The following UNC13C variants were observed in gnomAD, a reference collection of about 807,000 sequenced individuals.
UNC13C encodes protein unc-13 homolog C.
UNC13C carries 174 observed loss-of-function variants against 245.4 expected under a neutral mutation model. The ratio of observed to expected loss-of-function variants is 0.71; its 90% CI spans 0.63 to 0.80. The LOEUF (loss-of-function observed/expected upper bound fraction) is 0.80, where lower values mean the gene tolerates loss of function less well. Among genes scored for constraint, UNC13C ranks in the 30% least tolerant of loss-of-function variants. UNC13C has a pLI of 0.00. For missense variants in UNC13C, 2,829 were observed against 2,602.9 expected (o/e 1.09, Z -1.89); for synonymous variants, 992 against 895.1 (o/e 1.11, Z -1.93).
chr15:54,231,711 A>G (rs719211), intron 4 of UNC13C, among the ~76,000 whole-genome samples: 67,529 of 151,788 alleles, frequency 0.44, 15,433 homozygotes, highest in African/African-American at 0.5. Context: ...AGTCAATGAC[A>G]TCTTAAAACA....
chr15:53,942,819 T>G, the UNC13C span, among the ~76,000 whole-genome samples: 2 of 152,120 alleles, frequency 1.3e-5, no homozygotes, highest in Non-Finnish European at 1.5e-5. Context: ...TGTGCCACCA[T>G]GCCTGGCTAA....
At chr15:54,248,224 T>C (rs2036047086) in intron 7 of UNC13C, among the ~76,000 whole-genome samples, 2 of 152,188 alleles carry the variant, frequency 1.3e-5, no homozygotes, top group South Asian at 4.1e-4. Context: ...TATTATTTTA[T>C]TGCCATTAAA....
At chr15:53,866,475 C>T in the UNC13C span, among the ~76,000 whole-genome samples, 2 of 152,098 alleles carry the variant, frequency 1.3e-5, no homozygotes, top group African/African-American at 2.4e-5. Flanking sequence ...TAAATGAATA[C>T]CAACTATACA....
chr15:53,860,485 G>A, the UNC13C span, among the ~76,000 whole-genome samples: 3 of 152,100 alleles, frequency 2.0e-5, no homozygotes, highest in Non-Finnish European at 2.9e-5. Context: ...GTCATGGGGA[G>A]GTAATTGCCC....
intron 30 of UNC13C, among the ~76,000 whole-genome samples, chr15:54,593,214 G>A (rs920827245): frequency 2.6e-5 from 4 of 152,100 alleles, no homozygotes; most frequent in African/African-American, 9.7e-5. Context: ...AGGTTACCTG[G>A]TGCTTCTGTC....
chr15:54,553,214 T>C (rs189458085), intron 28 of UNC13C, among the ~76,000 whole-genome samples: 5,556 of 107,204 alleles, frequency 0.052, 869 homozygotes, highest in African/African-American at 0.21. Flanking sequence ...TATATTACAA[T>C]ATATATTATA....
At chr15:53,906,114 C>A in the UNC13C span, among the ~76,000 whole-genome samples, 1 of 151,960 alleles carries the variant, frequency 6.6e-6, no homozygotes, top group Non-Finnish European at 1.5e-5. Flanking sequence ...CGGAAGGATC[C>A]CTTGAGTCCT....
chr15:54,099,318 C>T (rs1900043034), intron 2 of UNC13C, among the ~76,000 whole-genome samples: 1 of 152,072 alleles, frequency 6.6e-6, no homozygotes, highest in African/African-American at 2.4e-5. Context: ...AGGGTTAAAT[C>T]TAATTTTCCT....
chr15:54,365,626 G>A (rs2039346910), intron 17 of UNC13C, among the ~76,000 whole-genome samples: 1 of 152,044 alleles, frequency 6.6e-6, no homozygotes, highest in Non-Finnish European at 1.5e-5. Flanking sequence ...GTTGATTTAT[G>A]ATTTTATGTG....
At chr15:54,231,298 A>G (rs1460504951) in intron 4 of UNC13C, among the ~76,000 whole-genome samples, 1 of 152,102 alleles carries the variant, frequency 6.6e-6, no homozygotes, top group Non-Finnish European at 1.5e-5. Flanking sequence ...CTGCAGTGGA[A>G]ATCAATCTCT....
intron 18 of UNC13C, among the ~76,000 whole-genome samples, chr15:54,394,103 T>G (rs1312314644): frequency 6.6e-6 from 1 of 151,900 alleles, no homozygotes; most frequent in Non-Finnish European, 1.5e-5. Flanking sequence ...ATTCTTATCC[T>G]CTATACTGGT....
chr15:54,221,332 G>A (rs1045894484), intron 4 of UNC13C, among the ~76,000 whole-genome samples: 2 of 151,956 alleles, frequency 1.3e-5, no homozygotes, highest in Admixed American at 6.6e-5. Flanking sequence ...ATTGTATGTG[G>A]AAAGTGAATC....
At chr15:54,119,690 G>T (rs948720168) in intron 2 of UNC13C, among the ~76,000 whole-genome samples, 4 of 152,114 alleles carry the variant, frequency 2.6e-5, no homozygotes, top group African/African-American at 7.2e-5. Context: ...CTGAAAGGTA[G>T]GCCTGTTGTG....
intron 30 of UNC13C, among the ~76,000 whole-genome samples, chr15:54,599,547 G>C (rs1899289022): frequency 6.6e-6 from 1 of 152,062 alleles, no homozygotes; most frequent in South Asian, 2.1e-4. Context: ...CCGAAAGTAA[G>C]ATTTTTCCAA....
chr15:54,013,130 C>G lies in UNC13C; in HGVS notation c.227C>G (p.Ser76Cys), dbSNP rs765890851. The G allele has an allele frequency of 6.2e-7, 1 of 1,613,864 alleles. No homozygotes were observed. ...IAKCSSTHNL[S>C]TEEDEASKEF... The stretch of plus-strand genomic sequence containing the variant: ...AAGTGTTCATCCACTCACAACTTAT[C>G]CACTGAGGAAGACGAGGCCAGTAAA... Residue 76 changes from serine (S) to cysteine (C), a missense_variant, in exon 2 of 33, where the codon TCC (serine) becomes TGC (cysteine). Coordinates refer to ENST00000260323, the MANE Select transcript of UNC13C (RefSeq NM_001080534.3).
At chr15:53,865,244 G>A in the UNC13C span, among the ~76,000 whole-genome samples, 11 of 152,186 alleles carry the variant, frequency 7.2e-5, no homozygotes, top group Admixed American at 2.0e-4. Context: ...AGCTGTGGCA[G>A]GAACTTCATT....
intron 2 of UNC13C, among the ~76,000 whole-genome samples, chr15:54,076,440 A>G (rs189183794): frequency 6.6e-6 from 1 of 151,924 alleles, no homozygotes; most frequent in East Asian, 1.9e-4. Flanking sequence ...ACATGAACTC[A>G]TCATTTTTTA....
At chr15:54,522,449 G>T (rs1301541195) in intron 24 of UNC13C, among the ~76,000 whole-genome samples, 5 of 152,090 alleles carry the variant, frequency 3.3e-5, no homozygotes. Context: ...CTGCACTCCA[G>T]CCTGGGCAAC....
At chr15:54,239,507 G>C (rs1567126415) in intron 7 of UNC13C, among the ~76,000 whole-genome samples, 1 of 152,204 alleles carries the variant, frequency 6.6e-6, no homozygotes, top group African/African-American at 2.4e-5. Flanking sequence ...CTGGAGTGCA[G>C]TGGTAGGGTC....
Sources: gnomAD v4.1 joint callset for allele counts (sites outside exome capture counted in the v4.1 genomes callset) on GRCh38, gnomAD v4.1.1 for gene constraint, MANE v1.5 for transcripts, NCBI Gene and HGNC (gene_info 2026-07-23, HGNC 2026-07-21) for gene names.